The following XIRP1 variants were observed in gnomAD, a reference collection of about 807,000 sequenced individuals.
XIRP1 encodes xin actin binding repeat containing 1.
For missense variants in XIRP1, 2,378 were observed against 2,345.4 expected, an observed-to-expected ratio of 1.01 and a Z score of -0.29; for synonymous variants, 984 against 947.0, an observed-to-expected ratio of 1.04 and a Z score of -0.72.
In XIRP1 at chr3:39,187,218, T is replaced by A; in HGVS notation, c.2228A>T (p.Glu743Val). The A allele has an allele frequency of 1.3e-6, 2 of 1,590,954 alleles. No homozygotes were observed. Among genetic ancestry groups the A allele is most frequent in the Admixed American group, 1.7e-5 (1 of 57,930 alleles). ...ENCPMGSLAA[E>V]SIQGGNLLEE... ...CAGGAGGTTGCCCCCTTGGATGCTC[T>A]CAGCTGCCAGGGAGCCCATGGGACA... The change falls in exon 2 of 2, where the codon GAG (glutamate) becomes GTG (valine). Residue 743 changes from glutamate to valine, a missense_variant. Physicochemically the swap from Glu to Val is moderately radical, Grantham distance 121 (BLOSUM62 -2). Transcript: ENST00000340369.
rs1258508462 is a variant in XIRP1, at chr3:39,184,729, G to C, written c.4717C>G (p.His1573Asp). 2 of 1,614,122 alleles carry C rather than the reference G, an allele frequency of 1.2e-6. No individual in the cohort carries two copies. The highest frequency in any genetic ancestry group is 2.7e-5 in the African/African-American group (2 of 74,936). ...SLQPEASARG[H>D]FQGPPKDHSA... is the part of the protein sequence containing the mutation. ...TGGTCTTTTGGAGGTCCCTGGAAAT[G>C]GCCTCTGGCACTGGCCTCAGGCTGG... The change falls in exon 2 of 2, where the codon CAT becomes GAT. Residue 1573 changes from histidine (H) to aspartate (D), a missense_variant. Coordinates refer to ENST00000340369, the MANE Select transcript of XIRP1 (RefSeq NM_194293.4).
At position 39,186,812 on chromosome 3, in the gene XIRP1, G is replaced by T. The variant is rs779405863; in HGVS notation, c.2634C>A (p.Leu878=). Residue 878 remains leucine (L), a synonymous_variant, in exon 2 of 2, where the codon CTC becomes CTA. Coordinates refer to ENST00000340369, the MANE Select transcript of XIRP1 (RefSeq NM_194293.4). The part of the protein sequence containing the change: ...SGNIEDMDPE[L]QQLLACGLGT... ...CAAGACCGCAAGCCAGCAGCTGCTG[G>T]AGCTCAGGGTCCATGTCTTCAATAT... The T allele has an allele frequency of 1.9e-6, 3 of 1,613,978 alleles. No individual in the cohort carries two copies. Among genetic ancestry groups the T allele is most frequent in the Non-Finnish European group, 2.5e-6 (3 of 1,179,904 alleles).
At chr3:39,191,138 A>C (rs2040081996) in intron 1 of XIRP1, among the ~76,000 whole-genome samples, 1 of 152,154 alleles carries the variant, frequency 6.6e-6, no homozygotes, top group Non-Finnish European at 1.5e-5. Flanking sequence ...CCCCATGCCC[A>C]CCCTGGCATG....
chr3:39,185,368 C>A lies in XIRP1; in HGVS notation c.4078G>T (p.Glu1360Ter). The change falls in exon 2 of 2, where the codon GAA becomes TAA. Residue 1360 changes from glutamate (E) to a stop codon, truncating the protein, a stop_gained. Transcript: ENST00000340369. LOFTEE classifies it low-confidence loss of function (END_TRUNC). ...PSFSSEVGQREHQRGERDTAI... is the reference protein window; with the variant it reads ...PSFSSEVGQR ...GTATCTCTCTCACCTCGTTGGTGTT[C>A]TCTTTGCCCCACCTCCGAGGAAAAG... is the stretch of plus-strand genomic sequence containing the variant. The A allele has an allele frequency of 6.2e-7, 1 of 1,614,170 alleles. No individual in the cohort carries two copies. The highest frequency in any genetic ancestry group is 8.5e-7 in the Non-Finnish European group (1 of 1,180,022).
Position 39,188,550 on chromosome 3 carries a change from C to A in XIRP1, c.896G>T (p.Gly299Val). The change falls in exon 2 of 2, where the codon GGG becomes GTG. Residue 299 changes from glycine (G) to valine (V), a missense_variant. Gly to Val is a moderately radical substitution (Grantham distance 109). Coordinates refer to ENST00000340369, the MANE Select transcript of XIRP1 (RefSeq NM_194293.4). ...RVIRGISLEE[G>V]ARPDVSATRW... ...AGTTGCACTGACGTCGGGCCGGGCC[C>A]CCTCCTCCAGGGAAATCCCCCGGAT... 1 of 1,611,792 alleles carries A rather than the reference C, an allele frequency of 6.2e-7. No homozygotes were observed. The highest frequency in any genetic ancestry group is 2.2e-5 in the East Asian group (1 of 44,800).
chr3:39,183,866 C>A lies in XIRP1; in HGVS notation c.*48G>T. 1 of 1,576,678 alleles carries A rather than the reference C, an allele frequency of 6.3e-7. No homozygotes were observed. On this transcript the variant is annotated 3_prime_UTR_variant, in exon 2 of 2. Transcript: ENST00000340369. ...GCAGGTACCCACTTCAGTCCTGGGGCAGTGGAGGCCAGGAACAGGTGGCAG... is the reference window on the plus strand; with the variant it reads ...GCAGGTACCCACTTCAGTCCTGGGGAAGTGGAGGCCAGGAACAGGTGGCAG...
In XIRP1 at chr3:39,184,872, G is replaced by T; in HGVS notation, c.4574C>A (p.Ala1525Asp). The T allele has an allele frequency of 6.2e-7, 1 of 1,605,602 alleles. No individual in the cohort carries two copies. Among genetic ancestry groups the T allele is most frequent in the Non-Finnish European group, 8.5e-7 (1 of 1,173,706 alleles). ...HQKPEASVEQ[A>D]FGELTRVSTE... is the part of the protein sequence containing the mutation. ...GCTGACCCGTGTCAGCTCCCCAAAG[G>T]CCTGCTCCACTGAGGCCTCGGGCTT... Residue 1525 changes from alanine to aspartate, a missense_variant, in exon 2 of 2, where the codon GCC becomes GAC. Coordinates refer to ENST00000340369, the MANE Select transcript of XIRP1 (RefSeq NM_194293.4).
At position 39,186,291 on chromosome 3, in the gene XIRP1, A is replaced by G. The variant is rs781257920; in HGVS notation, c.3155T>C (p.Leu1052Pro). 2 of 1,613,802 alleles carry G rather than the reference A, an allele frequency of 1.2e-6. No homozygotes were observed. Among genetic ancestry groups the G allele is most frequent in the Non-Finnish European group, 1.7e-6 (2 of 1,179,918 alleles). The change falls in exon 2 of 2, where the codon CTG becomes CCG. Residue 1052 changes from leucine to proline, a missense_variant. Coordinates refer to ENST00000340369, the MANE Select transcript of XIRP1 (RefSeq NM_194293.4). ...CATCCGCAGACTCTGCATGGCGGCC[A>G]GGAGGTCTGGGGCCCCAGGCCCCGG... Reference protein sequence around the residue: ...TPPGPGAPDLLAAMQSLRMAT... With the variant: ...TPPGPGAPDLPAAMQSLRMAT...
chr3:39,188,887 C>G lies in XIRP1; in HGVS notation c.559G>C (p.Asp187His). ...AAGAGCATCCTGGTACCCTGCACAT[C>G]TCCGCTGGCTGCAGGCTCCCTCACA... ...ATVREPAASGDVQGTRMLFET... is the reference protein window; with the variant it reads ...ATVREPAASGHVQGTRMLFET... The change falls in exon 2 of 2, where the codon GAT becomes CAT. Residue 187 changes from aspartate (D) to histidine (H), a missense_variant. By Grantham distance (81) the Asp-to-His change is moderately conservative. Coordinates refer to ENST00000340369, the MANE Select transcript of XIRP1 (RefSeq NM_194293.4). 1 of 1,613,064 alleles carries G rather than the reference C, an allele frequency of 6.2e-7. No homozygotes were observed. The highest frequency in any genetic ancestry group is 1.1e-5 in the South Asian group (1 of 91,086).
At position 39,184,268 on chromosome 3, in the gene XIRP1, C is replaced by G. The variant is rs888544731; in HGVS notation, c.5178G>C (p.Gln1726His). ...GGGCAGGTTCAGGTTGCACAGAGCA[C>G]TGGGTGATGTCCTTCTTCCCAGTTT... ...QDKTGKKDIT[Q>H]CSVQPEPAPP... The change falls in exon 2 of 2, where the codon CAG (glutamine) becomes CAC (histidine). Residue 1726 changes from glutamine (Q) to histidine (H), a missense_variant. Transcript: ENST00000340369. 2 of 1,614,202 alleles carry G rather than the reference C, an allele frequency of 1.2e-6. No individual in the cohort carries two copies. The highest frequency in any genetic ancestry group is 1.7e-6 in the Non-Finnish European group (2 of 1,180,026).
At position 39,188,074 on chromosome 3, in the gene XIRP1, C is replaced by T. The variant is rs2040018608; in HGVS notation, c.1372G>A (p.Val458Ile). The change falls in exon 2 of 2, where the codon GTT (valine) becomes ATT (isoleucine). Residue 458 changes from valine to isoleucine, a missense_variant. Transcript: ENST00000340369. ...LPLDSIGQGEVLAHGSPSREE... is the reference protein window; with the variant it reads ...LPLDSIGQGEILAHGSPSREE... ...CTGCTTGGACTCCCATGGGCCAGAA[C>T]CTCACCCTGTCCAATGCTGTCCAAG... The T allele has an allele frequency of 6.2e-7, 1 of 1,614,228 alleles. No individual in the cohort carries two copies. Among genetic ancestry groups the T allele is most frequent in the Non-Finnish European group, 8.5e-7 (1 of 1,180,040 alleles).
Position 39,188,154 on chromosome 3 carries a change from C to G in XIRP1, c.1292G>C (p.Arg431Thr), listed in dbSNP as rs149251137. The G allele has an allele frequency of 3.7e-5, 60 of 1,614,082 alleles. No individual in the cohort carries two copies. The highest frequency in any genetic ancestry group is 4.8e-5 in the Non-Finnish European group (57 of 1,180,044). Residue 431 changes from arginine (R) to threonine (T), a missense_variant, in exon 2 of 2, where the codon AGG becomes ACG. Coordinates refer to ENST00000340369, the MANE Select transcript of XIRP1 (RefSeq NM_194293.4). Reference sequence around the variant, plus strand: ...CTTCACATCCCCCTTTAGCTCATCCCTCTGGGGGGCACTCTGAGAGAAGGG... The same window carrying G: ...CTTCACATCCCCCTTTAGCTCATCCGTCTGGGGGGCACTCTGAGAGAAGGG... ...ALPFSQSAPQ[R>T]DELKGDVKTF...
At position 39,184,246 on chromosome 3, in the gene XIRP1, C is replaced by A; in HGVS notation, c.5200G>T (p.Ala1734Ser). 3.1e-6 allele frequency: 5 copies of A among 1,614,138 alleles called. No homozygotes were observed. The highest frequency in any genetic ancestry group is 4.2e-6 in the Non-Finnish European group (5 of 1,179,990). The change falls in exon 2 of 2, where the codon GCC (alanine) becomes TCC (serine). Residue 1734 changes from alanine to serine, a missense_variant. Physicochemically the swap from Ala to Ser is moderately conservative, Grantham distance 99. Coordinates refer to ENST00000340369, the MANE Select transcript of XIRP1 (RefSeq NM_194293.4). ...ITQCSVQPEP[A>S]PPSASPLPRG... ...GGCAGGGGACTGGCTGAGGGAGGGG[C>A]AGGTTCAGGTTGCACAGAGCACTGG...
Position 39,188,701 on chromosome 3 carries a change from C to A in XIRP1, c.745G>T (p.Ala249Ser), listed in dbSNP as rs751589146. ...CATGCGGCCTTGACCTCATGGATGG[C>A]GCCCTCTGCATCCTGGATGGCACAC... is the stretch of plus-strand genomic sequence containing the variant. ...PLCAIQDAEG[A>S]IHEVKAACRE... Residue 249 changes from alanine (A) to serine (S), a missense_variant, in exon 2 of 2, where the codon GCC becomes TCC. Transcript: ENST00000340369. 2.5e-6 allele frequency: 4 copies of A among 1,613,448 alleles called. No homozygotes were observed. The African/African-American group carries it at 4.0e-5, about 16-fold the overall frequency.
rs1348990212 is a variant in XIRP1 at position 39,186,759 on chromosome 3, AC to A, written c.2686del (p.Val896Ter). The A allele has an allele frequency of 1.2e-6, 2 of 1,613,838 alleles. No individual in the cohort carries two copies. Among genetic ancestry groups the A allele is most frequent in the African/African-American group, 1.3e-5 (1 of 74,912 alleles). On this transcript the variant is annotated frameshift_variant, in exon 2 of 2. Transcript: ENST00000340369. LOFTEE classifies it low-confidence loss of function (END_TRUNC). ...LGTSVARTGL[V>X]MQETEQGLVA... is the part of the protein sequence containing the mutation. ...CAGGCCCTGCTCTGTCTCCTGCATC[AC>A]CAGCCCAGTCCTTGCCACGGAGGTC...
Position 39,187,320 on chromosome 3 carries a change from T to C in XIRP1, c.2126A>G (p.Glu709Gly). 6.3e-7 allele frequency: 1 copy of C among 1,597,036 alleles called. No homozygotes were observed. Among genetic ancestry groups the C allele is most frequent in the South Asian group, 1.1e-5 (1 of 89,318 alleles). Residue 709 changes from glutamate (E) to glycine (G), a missense_variant, in exon 2 of 2, where the codon GAA (glutamate) becomes GGA (glycine). By Grantham distance (98) the Glu-to-Gly change is moderately conservative (BLOSUM62 -2). Coordinates refer to ENST00000340369, the MANE Select transcript of XIRP1 (RefSeq NM_194293.4). Reference protein sequence around the residue: ...VFQALEAGKKEEQEPRVIAGS... With the variant: ...VFQALEAGKKGEQEPRVIAGS... ...AGCGATTACCCGGGGCTCCTGTTCTTCCTTCTTGCCTGCCTCCAGGGCCTG... is the reference window on the plus strand; with the variant it reads ...AGCGATTACCCGGGGCTCCTGTTCTCCCTTCTTGCCTGCCTCCAGGGCCTG...
rs2040053402 is a variant in XIRP1 at position 39,189,366 on chromosome 3, G to T, written c.80C>A (p.Pro27His). ...ATAEDLPLPP[P>H]PALEDLPLPP... ...CAGTGGCAGGTCCTCCAGGGCTGGG[G>T]GTGGAGGGAGGGGCAGGTCCTCTGC... The change falls in exon 2 of 2, where the codon CCC (proline) becomes CAC (histidine). Residue 27 changes from proline to histidine, a missense_variant. By Grantham distance (77) the Pro-to-His change is moderately conservative. Transcript: ENST00000340369. 1 of 1,612,610 alleles carries T rather than the reference G, an allele frequency of 6.2e-7. No individual in the cohort carries two copies. The highest frequency in any genetic ancestry group is 1.7e-5 in the Admixed American group (1 of 59,980).
chr3:39,185,879 A>C lies in XIRP1; in HGVS notation c.3567T>G (p.Thr1189=). The C allele has an allele frequency of 6.2e-7, 1 of 1,613,292 alleles. No homozygotes were observed. The highest frequency in any genetic ancestry group is 8.5e-7 in the Non-Finnish European group (1 of 1,179,708). ...RPLQGGPGQS[T]GPGREEPGGC... ...CCCCAGGCTCCTCCCGCCCTGGCCC[A>C]GTACTCTGACCTGGGCCTCCCTGGA... is the stretch of plus-strand genomic sequence containing the variant. The change falls in exon 2 of 2, where the codon ACT becomes ACG. Residue 1189 remains threonine (T), a synonymous_variant. Coordinates refer to ENST00000340369, the MANE Select transcript of XIRP1 (RefSeq NM_194293.4).
In XIRP1 at chr3:39,186,531, T is replaced by C. The variant is rs142962709; in HGVS notation, c.2915A>G (p.His972Arg). Residue 972 changes from histidine to arginine, a missense_variant, in exon 2 of 2, where the codon CAT becomes CGT. Physicochemically the swap from His to Arg is conservative, Grantham distance 29 (BLOSUM62 0). Coordinates refer to ENST00000340369, the MANE Select transcript of XIRP1 (RefSeq NM_194293.4). ...CATGCTGGGGTCCAGTGGGGGAACATGGATGATGCTCTCAGTTGGGTGCAG... is the reference window on the plus strand; with the variant it reads ...CATGCTGGGGTCCAGTGGGGGAACACGGATGATGCTCTCAGTTGGGTGCAG... ...QSLHPTESIIHVPPLDPSMGM... is the reference protein window; with the variant it reads ...QSLHPTESIIRVPPLDPSMGM... The C allele has an allele frequency of 7.4e-6, 12 of 1,612,796 alleles. No homozygotes were observed. The highest frequency in any genetic ancestry group is 1.0e-5 in the Non-Finnish European group (12 of 1,179,392).
Sources: gnomAD v4.1 joint callset for allele counts (sites outside exome capture counted in the v4.1 genomes callset) on GRCh38, gnomAD v4.1.1 for gene constraint, MANE v1.5 for transcripts, NCBI Gene and HGNC (gene_info 2026-07-23, HGNC 2026-07-21) for gene names.